Variants in STAC observed in about 807,000 individuals in gnomAD.
STAC encodes SH3 and cysteine rich domain.
Under a neutral mutation model 48.8 loss-of-function variants are expected in STAC, and 43 were observed. The ratio of observed to expected loss-of-function variants is 0.88; its 90% CI spans 0.69 to 1.14. The LOEUF is 1.14. STAC is among the 50% of genes most tolerant of loss of function. The pLI is 0.00. For synonymous variants in STAC, 193 were observed against 179.5 expected (o/e 1.07, Z -0.60); for missense variants, 497 against 504.0 (o/e 0.99, Z 0.13).
intron 2 of STAC, among the ~76,000 whole-genome samples, chr3:36,467,290 T>C (rs1326396057): frequency 6.6e-6 from 1 of 152,166 alleles, no homozygotes; most frequent in Non-Finnish European, 1.5e-5. Context: ...ATCAGGGATA[T>C]TGGTCTGTAG....
At chr3:36,424,819 T>C (rs112391905) in intron 1 of STAC, among the ~76,000 whole-genome samples, 4 of 152,034 alleles carry the variant, frequency 2.6e-5, no homozygotes, top group African/African-American at 7.2e-5. Context: ...TAATGAGGAA[T>C]TGTAACCCAT....
At chr3:36,544,479 C>CATTT (rs141283454) in intron 10 of STAC, among the ~76,000 whole-genome samples, 17,226 of 151,702 alleles carry the variant, frequency 0.11, 1,172 homozygotes, top group Non-Finnish European at 0.15. Context: ...CAGGTGTCTG[C>CATTT]ATTTATTTAT....
chr3:36,452,797 G>A (rs1463423120), intron 2 of STAC, among the ~76,000 whole-genome samples: 1 of 152,212 alleles, frequency 6.6e-6, no homozygotes. Flanking sequence ...AGTAGCAAAG[G>A]AAAGGGGAAT....
intron 6 of STAC, among the ~76,000 whole-genome samples, chr3:36,494,009 G>A (rs1267684712): frequency 2.0e-5 from 3 of 151,460 alleles, no homozygotes; most frequent in Non-Finnish European, 2.9e-5. Flanking sequence ...AAAATTAGCC[G>A]GGCGTGATGG....
At chr3:36,533,974 C>T (rs1699136117) in intron 10 of STAC, among the ~76,000 whole-genome samples, 1 of 151,966 alleles carries the variant, frequency 6.6e-6, no homozygotes, top group Non-Finnish European at 1.5e-5. Context: ...AAGATAGTAT[C>T]AATTTTTTAA....
chr3:36,436,454 C>A (rs1700835850), intron 1 of STAC, among the ~76,000 whole-genome samples: 1 of 152,042 alleles, frequency 6.6e-6, no homozygotes, highest in African/African-American at 2.4e-5. Flanking sequence ...CTACCCTTGA[C>A]ATCTCTGCTC....
chr3:36,441,328 A>C (rs1166060760), intron 1 of STAC, among the ~76,000 whole-genome samples: 1 of 152,022 alleles, frequency 6.6e-6, no homozygotes, highest in African/African-American at 2.4e-5. Flanking sequence ...TCCACATATG[A>C]GTGAGAACAT....
intron 1 of STAC, among the ~76,000 whole-genome samples, chr3:36,385,866 G>A (rs978712867): frequency 2.0e-5 from 3 of 152,014 alleles, no homozygotes; most frequent in African/African-American, 7.2e-5. Context: ...TTGTATGAAT[G>A]GAACACAGTT....
chr3:36,452,361 T>G (rs1045013506), intron 2 of STAC, among the ~76,000 whole-genome samples: 3 of 152,188 alleles, frequency 2.0e-5, no homozygotes, highest in African/African-American at 7.2e-5. Context: ...ATGTCTTTCC[T>G]TATGGCATTG....
chr3:36,393,957 T>C (rs1290022715), intron 1 of STAC, among the ~76,000 whole-genome samples: 1 of 151,980 alleles, frequency 6.6e-6, no homozygotes, highest in Non-Finnish European at 1.5e-5. Flanking sequence ...TGTGAAGATC[T>C]AGGGGAAGAG....
chr3:36,540,610 ACCACAAG>A (rs1318031329), intron 10 of STAC, among the ~76,000 whole-genome samples: 3 of 152,150 alleles, frequency 2.0e-5, no homozygotes, highest in African/African-American at 7.2e-5. Context: ...GAGAAAGGGG[ACCACAAG>A]CCAGAGGATG....
intron 1 of STAC, among the ~76,000 whole-genome samples, chr3:36,381,121 C>T (rs939843504): frequency 6.6e-6 from 1 of 152,114 alleles, no homozygotes; most frequent in African/African-American, 2.4e-5. Context: ...CCGAGGGATA[C>T]TCTTCCAGAA....
intron 1 of STAC, among the ~76,000 whole-genome samples, chr3:36,393,534 C>G (rs1041291440): frequency 6.6e-6 from 1 of 151,652 alleles, no homozygotes; most frequent in African/African-American, 2.4e-5. Flanking sequence ...TGTGTGCCCT[C>G]CAAAATTATG....
At chr3:36,383,831 T>C (rs1177993804) in intron 1 of STAC, among the ~76,000 whole-genome samples, 2 of 152,170 alleles carry the variant, frequency 1.3e-5, no homozygotes, top group East Asian at 3.8e-4. Flanking sequence ...CTTGAGGAAA[T>C]TGAGGCCCAA....
At chr3:36,471,439 T>C (rs910859547) in intron 2 of STAC, among the ~76,000 whole-genome samples, 1 of 152,112 alleles carries the variant, frequency 6.6e-6, no homozygotes, top group Admixed American at 6.5e-5. Flanking sequence ...AAACCAATCA[T>C]GCTTTCCCAA....
intron 2 of STAC, among the ~76,000 whole-genome samples, chr3:36,450,246 G>GA (rs984744747): frequency 2.0e-5 from 3 of 151,944 alleles, no homozygotes; most frequent in African/African-American, 4.8e-5. Flanking sequence ...TAGTAAATGG[G>GA]AAAAAAAATA....
chr3:36,497,101 T>C (rs1047776970), intron 6 of STAC, among the ~76,000 whole-genome samples: 1 of 152,174 alleles, frequency 6.6e-6, no homozygotes, highest in Non-Finnish European at 1.5e-5. Context: ...ATCTCAAATT[T>C]TAAGGTGTCA....
chr3:36,489,447 C>T (rs1033407417), intron 5 of STAC, among the ~76,000 whole-genome samples: 1 of 152,232 alleles, frequency 6.6e-6, no homozygotes, highest in Non-Finnish European at 1.5e-5. Context: ...CTATCTCCAC[C>T]TCTGTCAGAC....
At chr3:36,532,812 C>T (rs185437098) in intron 10 of STAC, among the ~76,000 whole-genome samples, 252 of 152,150 alleles carry the variant, frequency 1.7e-3, no homozygotes, top group African/African-American at 5.7e-3. Flanking sequence ...AAGGAAAGAA[C>T]AAATTAATAC....
Sources: allele counts gnomAD v4.1 joint callset (sites outside exome capture counted in the v4.1 genomes callset), GRCh38; gene constraint gnomAD v4.1.1; transcripts MANE v1.5; gene names NCBI Gene and HGNC (gene_info 2026-07-23, HGNC 2026-07-21).